The following PDS5B variants were observed in gnomAD, a reference collection of about 807,000 sequenced individuals.
The protein encoded by PDS5B is PDS5 cohesin associated factor B, also known as sister chromatid cohesion protein PDS5 homolog B.
Under a neutral mutation model 184.1 loss-of-function variants are expected in PDS5B, and 51 were observed. The ratio of observed to expected loss-of-function variants is 0.28; its 90% CI spans 0.22 to 0.35. The LOEUF is 0.35. PDS5B is among the 10% of genes least tolerant of loss of function. PDS5B has a pLI of 1.00. For synonymous variants in PDS5B, 566 were observed against 569.2 expected (o/e 0.99, Z 0.08); for missense variants, 1,180 against 1,723.3 (o/e 0.68, Z 5.58).
chr13:32,750,771 A>T (rs2140992800), intron 24 of PDS5B, among the ~76,000 whole-genome samples: 1 of 151,534 alleles, frequency 6.6e-6, no homozygotes, highest in East Asian at 1.9e-4. Flanking sequence ...CGAACTCCTG[A>T]CCTCAGGTGA....
At chr13:32,748,428 G>T (rs1953840432) in intron 24 of PDS5B, among the ~76,000 whole-genome samples, 1 of 147,120 alleles carries the variant, frequency 6.8e-6, no homozygotes. Flanking sequence ...CTTGATTGTT[G>T]CTTTACTTAT....
intron 7 of PDS5B, among the ~76,000 whole-genome samples, chr13:32,671,283 T>C (rs1031193207): frequency 1.3e-5 from 2 of 152,196 alleles, no homozygotes; most frequent in Non-Finnish European, 2.9e-5. Flanking sequence ...TTTTATGGAA[T>C]TTGTGAGAAA....
rs1954968627 is a variant in PDS5B, at chr13:32,776,704, A to G, written c.*1652A>G. ...AGATATATTTCCAAGATTGGTTATA[A>G]TAGATGGGGCATATAATAAAGAAGC... On this transcript the variant is annotated 3_prime_UTR_variant, in exon 35 of 35. Coordinates refer to ENST00000315596, the MANE Select transcript of PDS5B (RefSeq NM_015032.4). 6.6e-6 allele frequency: 1 copy of G among 152,522 alleles called. No homozygotes were observed. The highest frequency in any genetic ancestry group is 2.4e-5 in the African/African-American group (1 of 41,462). 9.4% of individuals were successfully genotyped at this position (152,522 alleles called of 1,614,324 possible).
At position 32,673,252 on chromosome 13, in the gene PDS5B, A is replaced by G. The variant is rs1433739500; in HGVS notation, c.742A>G (p.Ile248Val). The change falls in exon 8 of 35, where the codon ATC (isoleucine) becomes GTC (valine). Residue 248 changes from isoleucine to valine, a missense_variant. Physicochemically the swap from Ile to Val is conservative, Grantham distance 29. Coordinates refer to ENST00000315596, the MANE Select transcript of PDS5B (RefSeq NM_015032.4). ...NQVLMLGKTSISDLSEHVFDL... is the reference protein window; with the variant it reads ...NQVLMLGKTSVSDLSEHVFDL... ...GGTTCTGATGCTTGGGAAAACATCT[A>G]TCAGCGATTTGTCAGAGCATGTCTT... 23 of 1,613,362 alleles carry G rather than the reference A, an allele frequency of 1.4e-5. No homozygotes were observed. The highest frequency in any genetic ancestry group is 1.8e-5 in the Non-Finnish European group (21 of 1,179,698).
intron 29 of PDS5B, among the ~76,000 whole-genome samples, 196 bp downstream of exon 29, chr13:32,759,886 T>A (rs1954313932): frequency 6.6e-6 from 1 of 152,168 alleles, no homozygotes; most frequent in Non-Finnish European, 1.5e-5. Flanking sequence ...CACAAATTAC[T>A]TTTTAGCTTG....
At chr13:32,753,244 T>G (rs1191491762) in intron 24 of PDS5B, 88 bp from the exon 25 acceptor site, 1 of 1,016,710 alleles carries the variant, frequency 9.8e-7, no homozygotes, top group Non-Finnish European at 1.5e-6. Context: ...TACTGTTTAC[T>G]CTTTACTTAA....
intron 19 of PDS5B, among the ~76,000 whole-genome samples, chr13:32,711,422 A>G (rs1301144120): frequency 6.6e-6 from 1 of 151,766 alleles, no homozygotes; most frequent in African/African-American, 2.4e-5. Flanking sequence ...CTGTGGCGCA[A>G]TCTTGGCTCA....
intron 15 of PDS5B, among the ~76,000 whole-genome samples, 192 bp from the exon 16 acceptor site, chr13:32,699,538 T>C (rs1219224198): frequency 6.6e-6 from 1 of 152,238 alleles, no homozygotes; most frequent in Non-Finnish European, 1.5e-5. Flanking sequence ...TGCTCCTGTT[T>C]TATATTTCTA....
rs771341146 is a variant in PDS5B at position 32,755,823 on chromosome 13, TG to T, written c.2942-18del. On this transcript the variant is annotated intron_variant, in intron 25 of 34. Coordinates refer to ENST00000315596, the MANE Select transcript of PDS5B (RefSeq NM_015032.4). ...TTTCTTTTGTTTTTTTTTGTTTGTT[TG>T]TTTGTTTTCTTTTTCAGAAAAATTA... is the stretch of plus-strand genomic sequence containing the variant. 1.8e-6 allele frequency: 2 copies of T among 1,118,336 alleles called. No homozygotes were observed. Among genetic ancestry groups the T allele is most frequent in the South Asian group, 1.6e-5 (1 of 64,092 alleles). 69.3% of individuals were successfully genotyped at this position (1,118,336 alleles called of 1,614,324 possible). A position where few individuals can be genotyped will look rare whatever the true frequency, so the allele number is the denominator to read the frequency against.
At chr13:32,685,901 A>G (rs1951373621) in intron 11 of PDS5B, among the ~76,000 whole-genome samples, 1 of 152,200 alleles carries the variant, frequency 6.6e-6, no homozygotes, top group South Asian at 2.1e-4. Context: ...CGGCCTCCCA[A>G]AGTGTTAGGA....
intron 13 of PDS5B, among the ~76,000 whole-genome samples, chr13:32,692,198 G>A (rs1268562315): frequency 1.3e-5 from 2 of 151,934 alleles, no homozygotes; most frequent in African/African-American, 4.8e-5. Flanking sequence ...CTTTGGGGAA[G>A]ACAAAGTATT....
At chr13:32,693,207 C>G (rs550717563) in intron 13 of PDS5B, among the ~76,000 whole-genome samples, 1 of 151,896 alleles carries the variant, frequency 6.6e-6, no homozygotes, top group South Asian at 2.1e-4. Context: ...TTGAACTGTG[C>G]TTATGAAAAT....
intron 31 of PDS5B, among the ~76,000 whole-genome samples, chr13:32,764,959 G>A (rs1171953358): frequency 1.3e-5 from 2 of 152,042 alleles, no homozygotes; most frequent in African/African-American, 4.8e-5. Flanking sequence ...ATGGAATGAG[G>A]ACCCTTAAAA....
intron 26 of PDS5B, among the ~76,000 whole-genome samples, chr13:32,756,779 AG>A (rs1954195128): frequency 6.6e-6 from 1 of 152,200 alleles, no homozygotes; most frequent in Non-Finnish European, 1.5e-5. Context: ...CTCATGGCAA[AG>A]GAAAAAATGC....
chr13:32,650,479 ATT>A (rs922278870), intron 2 of PDS5B: 3 of 151,998 alleles, frequency 2.0e-5, no homozygotes, highest in African/African-American at 7.3e-5. Flanking sequence ...TGTTTATAAA[ATT>A]TTTTTTCCTG....
chr13:32,652,335 T>C (rs1177230145), intron 3 of PDS5B: 1 of 212,758 alleles, frequency 4.7e-6, no homozygotes, highest in African/African-American at 2.3e-5. Flanking sequence ...ATTTAAAACA[T>C]AATACCTAGT....
At position 32,764,577 on chromosome 13, in the gene PDS5B, G is replaced by A. The variant is rs755171245; in HGVS notation, c.3607G>A (p.Asp1203Asn). The change falls in exon 31 of 35, where the codon GAC becomes AAC. Residue 1203 changes from aspartate to asparagine, a missense_variant. Asp to Asn is a conservative substitution (Grantham distance 23, BLOSUM62 1). Transcript: ENST00000315596. ...LPGKKSDKRD[D>N]SDLVRSELEK... Reference sequence around the variant, plus strand: ...GGGGAAAAAAAGTGACAAGAGAGACGACTCTGATCTTGTAAGGGTGAGATA... The same window carrying A: ...GGGGAAAAAAAGTGACAAGAGAGACAACTCTGATCTTGTAAGGGTGAGATA... 2.8e-5 allele frequency: 45 copies of A among 1,587,818 alleles called. No individual in the cohort carries two copies. The highest frequency in any genetic ancestry group is 2.5e-4 in the East Asian group (11 of 44,116).
chr13:32,775,590 T>C lies in PDS5B; in HGVS notation c.*538T>C, dbSNP rs1269906828. On this transcript the variant is annotated 3_prime_UTR_variant, in exon 35 of 35. Coordinates refer to ENST00000315596, the MANE Select transcript of PDS5B (RefSeq NM_015032.4). ...TTCCCTTTGTGTATCTTACCTAGTG[T>C]TTACTCCTGGGCACCCTTAATCTTC... 3 of 453,652 alleles carry C rather than the reference T, an allele frequency of 6.6e-6. No homozygotes were observed. In the Admixed American group the frequency reaches 7.2e-5, roughly 11 times the overall value. The allele number at this position is 453,652 out of a possible 1,614,324, so 28.1% of individuals were successfully genotyped here. A position where few individuals can be genotyped will look rare whatever the true frequency, so the allele number is the denominator to read the frequency against.
chr13:32,619,539 G>C (rs1455303264), intron 1 of PDS5B, among the ~76,000 whole-genome samples: 1 of 152,168 alleles, frequency 6.6e-6, no homozygotes, highest in South Asian at 2.1e-4. Context: ...TGAGTGGTGA[G>C]CGAATGTGAA....
Sources: gnomAD v4.1 joint callset for allele counts (sites outside exome capture counted in the v4.1 genomes callset) on GRCh38, gnomAD v4.1.1 for gene constraint, MANE v1.5 for transcripts, NCBI Gene and HGNC (gene_info 2026-07-23, HGNC 2026-07-21) for gene names.